Variants in NOL4 observed in about 807,000 individuals in gnomAD.
NOL4 encodes cancer/testis antigen 125.
Under a neutral mutation model 75.9 loss-of-function variants are expected in NOL4, and 17 were observed. The observed-to-expected ratio is 0.22, with a 90% CI of 0.15 to 0.34. The LOEUF is 0.34. Among genes scored for constraint, NOL4 ranks in the 10% least tolerant of loss-of-function variants. The probability of loss-of-function intolerance (pLI) is 1.00; values close to 1 mark genes in which losing one functional copy is unlikely to be tolerated. For missense variants in NOL4, 614 were observed against 793.5 expected (o/e 0.77, Z 2.72); for synonymous variants, 292 against 289.9 (o/e 1.01, Z -0.07).
In NOL4 at chr18:34,034,617, T is replaced by C. The variant is rs151034432; in HGVS notation, c.773-15016A>G. Among the ~76,000 whole-genome samples the C allele has an allele frequency of 4.6e-5, 7 of 152,164 alleles. No homozygotes were observed. The East Asian group carries it at 9.7e-4, about 21-fold the overall frequency. On this transcript the variant is annotated intron_variant, in intron 5 of 10. Coordinates refer to ENST00000261592, the MANE Select transcript of NOL4 (RefSeq NM_003787.5). ...AGCTGGGCATAGTGGTGCACACCGA[T>C]AGTCCCAGCTACTCAGGAGGCTGGG... is the stretch of plus-strand genomic sequence containing the variant.
chr18:33,984,042 T>G (rs888849076), intron 6 of NOL4, among the ~76,000 whole-genome samples: 2 of 152,122 alleles, frequency 1.3e-5, no homozygotes, highest in Admixed American at 1.3e-4. Flanking sequence ...ATATAGCCTG[T>G]GAAAAAATAT....
intron 9 of NOL4, among the ~76,000 whole-genome samples, chr18:33,935,343 T>C (rs2145468108): frequency 6.6e-6 from 1 of 152,258 alleles, no homozygotes; most frequent in Admixed American, 6.5e-5. Flanking sequence ...TCCTTTCACT[T>C]GAATACTTAG....
chr18:34,136,236 A>G (rs1330261040), intron 1 of NOL4, among the ~76,000 whole-genome samples: 1 of 152,162 alleles, frequency 6.6e-6, no homozygotes. Flanking sequence ...CTAACATCTT[A>G]TTTAATTGTG....
At chr18:34,039,398 C>T (rs927823358) in intron 5 of NOL4, among the ~76,000 whole-genome samples, 64 of 151,910 alleles carry the variant, frequency 4.2e-4, no homozygotes, top group Non-Finnish European at 9.1e-4. Context: ...GCTGAAAGCA[C>T]TTTCATTTTC....
intron 1 of NOL4, among the ~76,000 whole-genome samples, chr18:34,150,962 A>C (rs1347612238): frequency 6.6e-6 from 1 of 151,872 alleles, no homozygotes; most frequent in East Asian, 1.9e-4. Context: ...ACCTCACCAA[A>C]GAAGATGCTC....
At chr18:33,876,891 C>T (rs576370574) in intron 10 of NOL4, among the ~76,000 whole-genome samples, 8 of 151,868 alleles carry the variant, frequency 5.3e-5, no homozygotes, top group Non-Finnish European at 7.4e-5. Context: ...AGAGTTGATA[C>T]GTAACAAGGG....
intron 5 of NOL4, among the ~76,000 whole-genome samples, chr18:34,078,302 A>G (rs900244106): frequency 6.6e-6 from 1 of 152,184 alleles, no homozygotes; most frequent in Non-Finnish European, 1.5e-5. Flanking sequence ...TTGTGTCTGA[A>G]GTGAAGTTAA....
chr18:34,126,124 A>G (rs2080377150), intron 2 of NOL4, among the ~76,000 whole-genome samples: 1 of 152,194 alleles, frequency 6.6e-6, no homozygotes, highest in Admixed American at 6.6e-5. Context: ...GTGAAACATG[A>G]GTAGTGATTG....
chr18:34,052,117 AT>A (rs1409320988), intron 5 of NOL4, among the ~76,000 whole-genome samples: 1 of 152,060 alleles, frequency 6.6e-6, no homozygotes, highest in Non-Finnish European at 1.5e-5. Flanking sequence ...CATCTATATA[AT>A]TTAATATCTA....
chr18:34,008,188 G>T (rs191352312), intron 6 of NOL4, among the ~76,000 whole-genome samples: 1 of 152,052 alleles, frequency 6.6e-6, no homozygotes, highest in Non-Finnish European at 1.5e-5. Context: ...TGGGTTTATG[G>T]TCTTCTAATT....
At chr18:34,050,300 C>T (rs187391931) in intron 5 of NOL4, among the ~76,000 whole-genome samples, 94 of 152,034 alleles carry the variant, frequency 6.2e-4, no homozygotes, top group African/African-American at 2.0e-3. Flanking sequence ...AAAAAATTCA[C>T]TCTCATATTC....
chr18:33,890,550 G>A (rs2065032443), intron 9 of NOL4, among the ~76,000 whole-genome samples: 1 of 151,926 alleles, frequency 6.6e-6, no homozygotes, highest in Non-Finnish European at 1.5e-5. Flanking sequence ...CCAAAAACAG[G>A]GTGAGTTTTA....
intron 5 of NOL4, among the ~76,000 whole-genome samples, chr18:34,050,384 T>G (rs1020947689): frequency 1.3e-5 from 2 of 152,128 alleles, no homozygotes; most frequent in Admixed American, 1.3e-4. Flanking sequence ...CCAGAATTAT[T>G]TCTAAATCAT....
At chr18:33,863,312 C>A (rs906388439) in intron 10 of NOL4, among the ~76,000 whole-genome samples, 4 of 152,000 alleles carry the variant, frequency 2.6e-5, no homozygotes, top group African/African-American at 7.3e-5. Context: ...GGGAGATATA[C>A]CTAATGCTAG....
At chr18:33,875,403 C>T (rs965150300) in intron 10 of NOL4, among the ~76,000 whole-genome samples, 6 of 151,906 alleles carry the variant, frequency 3.9e-5, no homozygotes, top group Admixed American at 2.0e-4. Context: ...TGGGTGCAGC[C>T]CCTTGCCAGC....
intron 1 of NOL4, among the ~76,000 whole-genome samples, chr18:34,187,457 A>G (rs1253581799): frequency 6.8e-6 from 1 of 146,190 alleles, no homozygotes; most frequent in East Asian, 2.0e-4. Context: ...ACTCACCGCA[A>G]GCTCCGCCTC....
intron 4 of NOL4, among the ~76,000 whole-genome samples, chr18:34,094,622 G>C (rs1463500842): frequency 6.6e-6 from 1 of 152,166 alleles, no homozygotes; most frequent in East Asian, 1.9e-4. Context: ...ATACAGGCTG[G>C]AAGGCCCGGG....
intron 6 of NOL4, 75 bp downstream of exon 6, chr18:34,019,243 C>A: frequency 8.4e-7 from 1 of 1,185,228 alleles, no homozygotes; most frequent in Non-Finnish European, 1.2e-6. Flanking sequence ...TAATGTTTAT[C>A]TGCTATATGC....
chr18:34,223,034 C>T lies in NOL4; in HGVS notation c.220G>A (p.Gly74Ser), dbSNP rs113313600. 5.0e-6 allele frequency: 8 copies of T among 1,613,240 alleles called. No individual in the cohort carries two copies. The South Asian group carries it at 7.7e-5, about 15-fold the overall frequency. Residue 74 changes from glycine (G) to serine (S), a missense_variant, in exon 1 of 11, where the codon GGC (glycine) becomes AGC (serine). Coordinates refer to ENST00000261592, the MANE Select transcript of NOL4 (RefSeq NM_003787.5). ...LGQPDEVRGG[G>S]GGAKQVLYVP... ...TAGAGCACTTGCTTGGCGCCGCCGC[C>T]TCCCCCGCGGACCTCGTCCGGCTGG...
Sources: allele counts gnomAD v4.1 joint callset (sites outside exome capture counted in the v4.1 genomes callset), GRCh38; gene constraint gnomAD v4.1.1; transcripts MANE v1.5; gene names NCBI Gene and HGNC (gene_info 2026-07-23, HGNC 2026-07-21).